Variants in SLC22A2 observed in about 807,000 individuals in gnomAD.
SLC22A2 encodes organic cation transporter 2.
In SLC22A2, 46 loss-of-function variants were observed where a neutral mutation model predicts 60.5. The observed-to-expected ratio is 0.76, with a 90% confidence interval of 0.60 to 0.97. SLC22A2 has a LOEUF of 0.97. Among genes scored for constraint, SLC22A2 ranks in the 50% least tolerant of loss-of-function variants. The pLI, the probability that SLC22A2 is intolerant of heterozygous loss-of-function variation, is 0.00. For synonymous variants in SLC22A2, 303 were observed against 267.0 expected (o/e 1.13, Z -1.31); for missense variants, 701 against 706.6 (o/e 0.99, Z 0.09).
intron 9 of SLC22A2, among the ~76,000 whole-genome samples, chr6:160,228,702 G>A (rs574192291): frequency 1.3e-5 from 2 of 152,240 alleles, no homozygotes; most frequent in East Asian, 1.9e-4. Context: ...TGGCCTGCAC[G>A]TATATATCCA....
chr6:160,223,977 G>A (rs965571126), intron 10 of SLC22A2, among the ~76,000 whole-genome samples: 6 of 152,050 alleles, frequency 3.9e-5, no homozygotes, highest in Non-Finnish European at 5.9e-5. Context: ...TGATCCACCC[G>A]CCTCAGCATC....
intron 9 of SLC22A2, among the ~76,000 whole-genome samples, chr6:160,233,738 G>A (rs373236823): frequency 1.6e-4 from 24 of 151,568 alleles, no homozygotes; most frequent in Admixed American, 9.2e-4. Flanking sequence ...CAACCTTACC[G>A]CAAAATCTTC....
At chr6:160,241,714 G>A (rs1783006069) in intron 8 of SLC22A2, 128 bp from the exon 9 acceptor site, 1 of 538,848 alleles carries the variant, frequency 1.9e-6, no homozygotes, top group Non-Finnish European at 3.2e-6. Context: ...CACTGCTCAG[G>A]TGACGGGTGC....
chr6:160,219,291 C>T (rs1212452825), intron 10 of SLC22A2, among the ~76,000 whole-genome samples: 1 of 151,830 alleles, frequency 6.6e-6, no homozygotes, highest in Non-Finnish European at 1.5e-5. Flanking sequence ...ACAGTAATAG[C>T]AACAGCAAAA....
intron 10 of SLC22A2, among the ~76,000 whole-genome samples, chr6:160,218,825 C>T (rs145211378): frequency 4.0e-4 from 1 of 2,514 alleles, no homozygotes; most frequent in African/African-American, 2.1e-3. Context: ...AGAATCAACA[C>T]CATCACAATT....
At chr6:160,234,049 T>C (rs1215733010) in intron 9 of SLC22A2, among the ~76,000 whole-genome samples, 1 of 152,212 alleles carries the variant, frequency 6.6e-6, no homozygotes, top group Admixed American at 6.5e-5. Context: ...CTGCCTTAAC[T>C]GATGATATTA....
At chr6:160,242,814 A>G (rs566937494) in intron 7 of SLC22A2, among the ~76,000 whole-genome samples, 1 of 152,276 alleles carries the variant, frequency 6.6e-6, no homozygotes, top group African/African-American at 2.4e-5. Flanking sequence ...AGCTGGCATT[A>G]GGGTTCACTC....
In SLC22A2 at chr6:160,224,814, A is replaced by C. The variant is rs1219348837; in HGVS notation, c.1502-10T>G. ...ACCAAGCCAAGCACGCCTGAAAGCC[A>C]AACAGATGAATATCACATTAAGAAC... On this transcript the variant is annotated splice_polypyrimidine_tract_variant and intron_variant, in intron 9 of 10. Coordinates refer to ENST00000366953, the MANE Select transcript of SLC22A2 (RefSeq NM_003058.4). 6.6e-7 allele frequency: 1 copy of C among 1,504,234 alleles called. No homozygotes were observed. Among genetic ancestry groups the C allele is most frequent in the Non-Finnish European group, 9.1e-7 (1 of 1,100,040 alleles). 93.2% of individuals were successfully genotyped at this position (1,504,234 alleles called of 1,614,324 possible). A position where few individuals can be genotyped will look rare whatever the true frequency, so the allele number is the denominator to read the frequency against.
At chr6:160,220,699 T>C (rs1399116827) in intron 10 of SLC22A2, among the ~76,000 whole-genome samples, 3 of 152,200 alleles carry the variant, frequency 2.0e-5, no homozygotes, top group African/African-American at 7.2e-5. Context: ...TAGCAGGCAT[T>C]AAAACAACAT....
intron 4 of SLC22A2, among the ~76,000 whole-genome samples, chr6:160,248,100 T>C (rs1783125294): frequency 6.6e-6 from 1 of 152,184 alleles, no homozygotes; most frequent in South Asian, 2.1e-4. Context: ...AATGTTTCTG[T>C]CCCCGCTGAA....
At chr6:160,258,229 C>G in intron 1 of SLC22A2, 115 bp downstream of exon 1, 1 of 1,192,916 alleles carries the variant, frequency 8.4e-7, no homozygotes, top group African/African-American at 1.5e-5. Flanking sequence ...AAGATACATG[C>G]AGGCCAAAGA....
Position 160,258,620 on chromosome 6 carries a change from GGT to G in SLC22A2, c.136_137del (p.Thr46ProfsTer2). On this transcript the variant is annotated frameshift_variant, in exon 1 of 11. Coordinates refer to ENST00000366953, the MANE Select transcript of SLC22A2 (RefSeq NM_003058.4). LOFTEE classifies it high-confidence loss of function. The stretch of plus-strand genomic sequence containing the variant: ...CGGGGCTCCGGCAGCGGTGGTCAGG[GGT>G]GAAGCCCAGGAAGACGATGCCCACG... Reference protein sequence around the residue: ...IYVGIVFLGFTPDHRCRSPGV... With the variant: ...IYVGIVFLGFXPDHRCRSPGV... 6.2e-7 allele frequency: 1 copy of G among 1,614,006 alleles called. No individual in the cohort carries two copies. Among genetic ancestry groups the G allele is most frequent in the South Asian group, 1.1e-5 (1 of 91,076 alleles).
At chr6:160,256,163 G>T (rs1783268415) in intron 2 of SLC22A2, among the ~76,000 whole-genome samples, 1 of 152,046 alleles carries the variant, frequency 6.6e-6, no homozygotes, top group African/African-American at 2.4e-5. Flanking sequence ...CAATCCCACG[G>T]GTATTAGGGA....
chr6:160,244,852 G>A (rs1783064681), intron 6 of SLC22A2: 1 of 152,220 alleles, frequency 6.6e-6, no homozygotes, highest in South Asian at 2.1e-4. Context: ...TTGAAGCTCT[G>A]AGAGCAGCCT....
intron 9 of SLC22A2, among the ~76,000 whole-genome samples, chr6:160,226,232 C>G (rs878858110): frequency 6.6e-6 from 1 of 152,168 alleles, no homozygotes; most frequent in African/African-American, 2.4e-5. Flanking sequence ...TATGATTTCA[C>G]CCCTGACCAA....
In SLC22A2 at chr6:160,251,366, C is replaced by G. The variant is rs1207355170; in HGVS notation, c.519-664G>C. 2.6e-5 allele frequency among the ~76,000 whole-genome samples: 4 copies of G among 152,306 alleles called. No homozygotes were observed. The South Asian group carries it at 6.2e-4, about 24-fold the overall frequency. On this transcript the variant is annotated intron_variant, in intron 2 of 10. Transcript: ENST00000366953. ...AAACAATTGGCAACCTGGGTTTCATCATGACCTTCCTACTTACTATGATGT... is the reference window on the plus strand; with the variant it reads ...AAACAATTGGCAACCTGGGTTTCATGATGACCTTCCTACTTACTATGATGT...
In SLC22A2 at chr6:160,243,701, C is replaced by A. The variant is rs150866933; in HGVS notation, c.1150G>T (p.Ala384Ser). Residue 384 changes from alanine (A) to serine (S), a missense_variant, in exon 7 of 11, where the codon GCC becomes TCC. Physicochemically the swap from Ala to Ser is moderately conservative, Grantham distance 99 (BLOSUM62 1). Transcript: ENST00000366953. The part of the protein sequence containing the change: ...DNIYLDFFYS[A>S]LVEFPAAFMI... The stretch of plus-strand genomic sequence containing the variant: ...AAGGCAGCTGGGAATTCAACCAGGG[C>A]AGAGTAGAAGAAATCCAGGTAGATA... 7.6e-4 allele frequency: 1,226 copies of A among 1,613,940 alleles called. 4 individuals are homozygous for A. Among genetic ancestry groups the A allele is most frequent in the Admixed American group, 2.9e-3 (172 of 60,010 alleles).
Position 160,256,643 on chromosome 6 carries a change from G to A in SLC22A2, c.489C>T (p.Gly163=), listed in dbSNP as rs1265512553. 1.2e-5 allele frequency: 19 copies of A among 1,613,434 alleles called. No individual in the cohort carries two copies. Among genetic ancestry groups the A allele is most frequent in the Admixed American group, 3.3e-5 (2 of 59,998 alleles). Reference sequence around the variant, plus strand: ...CTGCTATGTAGCCGATACTCATAGAGCCAATAAAGAATCCTACATTCACTG... The same window carrying A: ...CTGCTATGTAGCCGATACTCATAGAACCAATAAAGAATCCTACATTCACTG... ...QSSVNVGFFI[G]SMSIGYIADR... is the part of the protein sequence containing the mutation. Residue 163 remains glycine, a synonymous_variant, in exon 2 of 11, where the codon GGC becomes GGT. Transcript: ENST00000366953.
chr6:160,249,434 G>A, intron 3 of SLC22A2, 50 bp from the exon 4 acceptor site: 1 of 1,467,794 alleles, frequency 6.8e-7, no homozygotes, highest in Non-Finnish European at 9.4e-7. Flanking sequence ...ATAATGAGTT[G>A]GCTGTCCAGC....
Sources: gnomAD v4.1 joint callset for allele counts (sites outside exome capture counted in the v4.1 genomes callset) on GRCh38, gnomAD v4.1.1 for gene constraint, MANE v1.5 for transcripts, NCBI Gene and HGNC (gene_info 2026-07-23, HGNC 2026-07-21) for gene names.